The following DNAAF5 variants were observed in gnomAD, a reference collection of about 807,000 sequenced individuals.
DNAAF5 encodes HEAT repeat containing 2.
A neutral mutation model predicts 75.8 loss-of-function variants in DNAAF5; 64 were observed. The ratio of observed to expected loss-of-function variants is 0.84; its 90% CI spans 0.69 to 1.04. The LOEUF is 1.04. DNAAF5 is among the 50% of genes least tolerant of loss of function. The probability of loss-of-function intolerance (pLI) is 0.00; values close to 1 mark genes in which losing one functional copy is unlikely to be tolerated. For missense variants in DNAAF5, 1,269 were observed against 1,178.5 expected (o/e 1.08, Z -1.12); for synonymous variants, 657 against 557.2 (o/e 1.18, Z -2.52).
rs943370779 is a variant in DNAAF5 at position 726,778 on chromosome 7, G to C, written c.58G>C (p.Glu20Gln). 1 of 1,270,630 alleles carries C rather than the reference G, an allele frequency of 7.9e-7. No homozygotes were observed. Among genetic ancestry groups the C allele is most frequent in the Non-Finnish European group, 9.9e-7 (1 of 1,010,168 alleles). 78.7% of individuals were successfully genotyped at this position (1,270,630 alleles called of 1,614,324 possible). A position where few individuals can be genotyped will look rare whatever the true frequency, so the allele number is the denominator to read the frequency against. Reference sequence around the variant, plus strand: ...GGCCCCACACCCGGCTGAGGGGGCCGAGACGGCTGAGGCGGTGGAGCTGAG... The same window carrying C: ...GGCCCCACACCCGGCTGAGGGGGCCCAGACGGCTGAGGCGGTGGAGCTGAG... ...VAAPHPAEGA[E>Q]TAEAVELSRA... Residue 20 changes from glutamate to glutamine, a missense_variant, in exon 1 of 13, where the codon GAG becomes CAG. Physicochemically the swap from Glu to Gln is conservative, Grantham distance 29. Transcript: ENST00000297440.
rs79522198 is a variant in DNAAF5 at position 758,442 on chromosome 7, G to A, written c.1470+1448G>A. ...TAATCACAATCTTTCAAACAGAGAC[G>A]TCTTTCTGACAAAGTCCAGTCACAC... On this transcript the variant is annotated intron_variant, in intron 6 of 12. Transcript: ENST00000297440. 6.7e-3 allele frequency among the ~76,000 whole-genome samples: 1,018 copies of A among 152,272 alleles called. 32 individuals are homozygous for A. The East Asian group carries it at 0.12, about 17-fold the overall frequency.
intron 4 of DNAAF5, among the ~76,000 whole-genome samples, chr7:752,482 A>G (rs1782333727): frequency 6.8e-6 from 1 of 147,298 alleles, no homozygotes; most frequent in Admixed American, 6.7e-5. Flanking sequence ...TACGTCCTCA[A>G]AAGACCACAG....
chr7:763,461 C>T (rs1782727479), intron 7 of DNAAF5, among the ~76,000 whole-genome samples: 1 of 152,242 alleles, frequency 6.6e-6, no homozygotes. Context: ...CCCCTCTCTG[C>T]TCCTCACCAC....
intron 9 of DNAAF5, chr7:772,960 TAAAAAAA>T (rs11319485): frequency 7.0e-6 from 1 of 142,248 alleles, no homozygotes; most frequent in African/African-American, 2.6e-5. Flanking sequence ...ACCCCAAAAT[TAAAAAAA>T]AAAAAAAAAA....
intron 11 of DNAAF5, chr7:778,076 C>T (rs1486471943): frequency 1.3e-5 from 2 of 152,154 alleles, no homozygotes; most frequent in Non-Finnish European, 2.9e-5. Context: ...CTGCTGAACT[C>T]TGAGGTCCGG....
intron 6 of DNAAF5, among the ~76,000 whole-genome samples, chr7:761,003 C>A (rs1227008811): frequency 6.6e-6 from 1 of 152,226 alleles, no homozygotes; most frequent in Non-Finnish European, 1.5e-5. Context: ...CCTGGGGCCA[C>A]TTTTCTTTTT....
At chr7:735,670 A>G (rs1781721540) in intron 2 of DNAAF5, among the ~76,000 whole-genome samples, 1 of 151,826 alleles carries the variant, frequency 6.6e-6, no homozygotes, top group Non-Finnish European at 1.5e-5. Flanking sequence ...GATTTTATTT[A>G]CTTGGGTCTT....
rs1312683676 is a variant in DNAAF5, at chr7:726,907, G to A, written c.187G>A (p.Ala63Thr). Residue 63 changes from alanine to threonine, a missense_variant, in exon 1 of 13, where the codon GCC (alanine) becomes ACC (threonine). Ala to Thr is a moderately conservative substitution (Grantham distance 58, BLOSUM62 0). Transcript: ENST00000297440. ...GCGCGCGCTGGAGGAGCCAGGCCCT[G>A]CCGCCGACCCCACCGCTTTCCAGGG... is the stretch of plus-strand genomic sequence containing the variant. ...LRRALEEPGP[A>T]ADPTAFQGPW... is the part of the protein sequence containing the mutation. 11 of 1,345,416 alleles carry A rather than the reference G, an allele frequency of 8.2e-6. No homozygotes were observed. In the South Asian group the frequency reaches 8.5e-5, roughly 10 times the overall value. 83.3% of individuals were successfully genotyped at this position (1,345,416 alleles called of 1,614,324 possible).
intron 5 of DNAAF5, among the ~76,000 whole-genome samples, chr7:756,229 G>A (rs1183672230): frequency 6.7e-6 from 1 of 148,724 alleles, no homozygotes; most frequent in African/African-American, 2.5e-5. Context: ...GGGCTGGTGT[G>A]TGGTGTCCAC....
Position 754,903 on chromosome 7 carries a change from G to C in DNAAF5, c.1257+82G>C. ...GCCTCTGTGGTGTGCGGGGCCCGAGGCTGTACTGTAGCCAAGACAGCGTTC... is the reference window on the plus strand; with the variant it reads ...GCCTCTGTGGTGTGCGGGGCCCGAGCCTGTACTGTAGCCAAGACAGCGTTC... On this transcript the variant is annotated intron_variant, in intron 5 of 12. Transcript: ENST00000297440. This position sits in a 1 kb window ranked among gnomAD's most constrained non-coding sequence, Gnocchi z 4.8. 3 of 1,094,492 alleles carry C rather than the reference G, an allele frequency of 2.7e-6. No homozygotes were observed. Among genetic ancestry groups the C allele is most frequent in the Non-Finnish European group, 3.9e-6 (3 of 762,238 alleles). The allele number at this position is 1,094,492 out of a possible 1,614,324, so 67.8% of individuals were successfully genotyped here.
intron 4 of DNAAF5, among the ~76,000 whole-genome samples, chr7:748,312 G>A (rs563543134): frequency 1.9e-4 from 29 of 150,926 alleles, no homozygotes; most frequent in Non-Finnish European, 4.1e-4. Context: ...TGGTTTCAGC[G>A]TGTCCGGCTA....
In DNAAF5 at chr7:735,208, A is replaced by T. The variant is rs181940594; in HGVS notation, c.780+5361A>T. 1.1e-4 allele frequency among the ~76,000 whole-genome samples: 16 copies of T among 149,060 alleles called. 1 individual carries two copies. Among genetic ancestry groups the T allele is most frequent in the Admixed American group, 8.7e-4 (13 of 14,938 alleles). On this transcript the variant is annotated intron_variant, in intron 2 of 12. Transcript: ENST00000297440. ...GTAGCTGCTCACGGTGTAGCTGCTC[A>T]CGGTGTCATTGCTTATATTGTAGTT...
At chr7:732,613 G>T (rs1468136761) in intron 2 of DNAAF5, 1 of 456,118 alleles carries the variant, frequency 2.2e-6, no homozygotes, top group Admixed American at 2.3e-5. Context: ...TTCCTGCCAA[G>T]TACCTGTTTG....
intron 11 of DNAAF5, among the ~76,000 whole-genome samples, chr7:775,821 G>A (rs141354681): frequency 9.8e-4 from 149 of 152,060 alleles, no homozygotes; most frequent in African/African-American, 2.5e-3. Context: ...TGAAGGAAGC[G>A]TCGTGTGGAT....
intron 12 of DNAAF5, among the ~76,000 whole-genome samples, chr7:783,494 T>C (rs1410614455): frequency 6.6e-6 from 1 of 152,152 alleles, no homozygotes; most frequent in Non-Finnish European, 1.5e-5. Context: ...CCCGAGGGCC[T>C]TGGAGCCCAT....
intron 12 of DNAAF5, among the ~76,000 whole-genome samples, chr7:782,417 C>T (rs1279606422): frequency 2.8e-5 from 4 of 145,310 alleles, no homozygotes; most frequent in African/African-American, 7.7e-5. Context: ...CCTCCCCTCA[C>T]GCGGCGTCAG....
intron 5 of DNAAF5, among the ~76,000 whole-genome samples, chr7:756,211 G>T (rs34154153): frequency 6.7e-6 from 1 of 148,472 alleles, no homozygotes; most frequent in Non-Finnish European, 1.5e-5. Context: ...GAATCCCATG[G>T]TGCAGAGGGG....
rs79457505 is a variant in DNAAF5 at position 728,680 on chromosome 7, T to C, written c.596-983T>C. On this transcript the variant is annotated intron_variant, in intron 1 of 12. Coordinates refer to ENST00000297440, the MANE Select transcript of DNAAF5 (RefSeq NM_017802.4). ...CCCCACGAGCTCCCTCCCTGGACCG[T>C]AGGTTCCACAGGACAGCACTGTGCC... 4.3e-3 allele frequency among the ~76,000 whole-genome samples: 649 copies of C among 152,304 alleles called. 5 individuals are homozygous for C. The highest frequency in any genetic ancestry group is 0.015 in the African/African-American group (619 of 41,570).
chr7:762,990 C>T (rs1401421843), intron 7 of DNAAF5, among the ~76,000 whole-genome samples: 1 of 152,158 alleles, frequency 6.6e-6, no homozygotes, highest in East Asian at 1.9e-4. Context: ...ATCTGTCTGC[C>T]TCTCTGGAAG....
Sources: gnomAD v4.1 joint callset for allele counts (sites outside exome capture counted in the v4.1 genomes callset) on GRCh38, gnomAD v4.1.1 for gene constraint, Gnocchi (gnomAD v3.1) non-coding constraint, MANE v1.5 for transcripts, NCBI Gene and HGNC (gene_info 2026-07-23, HGNC 2026-07-21) for gene names.